Variants in DIAPH3 observed in about 807,000 individuals in gnomAD.
The protein encoded by DIAPH3 is diaphanous related formin 3.
DIAPH3 carries 117 observed loss-of-function variants against 144.3 expected under a neutral mutation model. The observed-to-expected ratio is 0.81, with a 90% CI of 0.70 to 0.95. The LOEUF (loss-of-function observed/expected upper bound fraction) is 0.95, where lower values mean the gene tolerates loss of function less well. Ranked by LOEUF, DIAPH3 falls within the 40% of genes least tolerant of loss-of-function variation. The pLI is 0.00. For synonymous variants in DIAPH3, 519 were observed against 488.9 expected (o/e 1.06, Z -0.81); for missense variants, 1,421 against 1,412.7 (o/e 1.01, Z -0.09).
At chr13:59,743,630 C>T (rs907428582) in intron 27 of DIAPH3, among the ~76,000 whole-genome samples, 1 of 152,118 alleles carries the variant, frequency 6.6e-6, no homozygotes, top group East Asian at 1.9e-4. Context: ...TATTATCTTT[C>T]TCTAATGGCC....
At chr13:59,859,752 AG>A (rs1004238432) in intron 22 of DIAPH3, among the ~76,000 whole-genome samples, 1 of 152,140 alleles carries the variant, frequency 6.6e-6, no homozygotes, top group Non-Finnish European at 1.5e-5. Context: ...CTGAGGTAAA[AG>A]TTATTTTGAA....
At chr13:59,929,382 T>C (rs138806688) in intron 17 of DIAPH3, among the ~76,000 whole-genome samples, 269 of 152,230 alleles carry the variant, frequency 1.8e-3, no homozygotes, top group African/African-American at 6.0e-3. Flanking sequence ...ACTTTGATCA[T>C]ATAATTAGTG....
At chr13:59,950,477 A>G (rs1387926042) in intron 17 of DIAPH3, among the ~76,000 whole-genome samples, 3 of 152,200 alleles carry the variant, frequency 2.0e-5, no homozygotes, top group Middle Eastern at 3.2e-3. Context: ...TAGAGTAGGC[A>G]GAAGACATAG....
chr13:60,069,884 T>C (rs988088793), intron 4 of DIAPH3, among the ~76,000 whole-genome samples: 1 of 152,350 alleles, frequency 6.6e-6, no homozygotes, highest in Middle Eastern at 3.4e-3. Flanking sequence ...TGTAGCCTTG[T>C]AGTATAGTTT....
chr13:60,136,906 C>G (rs996851561), intron 1 of DIAPH3, among the ~76,000 whole-genome samples: 4 of 151,764 alleles, frequency 2.6e-5, no homozygotes, highest in African/African-American at 7.3e-5. Flanking sequence ...TGCCACTGCA[C>G]TCCAGCCTGG....
chr13:59,891,424 CA>C (rs908061495), intron 20 of DIAPH3, among the ~76,000 whole-genome samples: 1 of 145,606 alleles, frequency 6.9e-6, no homozygotes, highest in Non-Finnish European at 1.5e-5. Context: ...GTTTCCATAC[CA>C]AAAAAACCCC....
intron 19 of DIAPH3, among the ~76,000 whole-genome samples, chr13:59,912,580 C>T (rs920557149): frequency 6.6e-6 from 1 of 151,974 alleles, no homozygotes; most frequent in African/African-American, 2.4e-5. Flanking sequence ...TTAAACAATC[C>T]CTTGGACAAA....
chr13:59,963,249 A>C (rs1444549345), intron 17 of DIAPH3, among the ~76,000 whole-genome samples: 2 of 152,190 alleles, frequency 1.3e-5, no homozygotes, highest in African/African-American at 2.4e-5. Context: ...CATATGCCCA[A>C]ATGATTTAAC....
At chr13:59,817,957 T>C (rs1242315682) in intron 24 of DIAPH3, among the ~76,000 whole-genome samples, 1 of 151,978 alleles carries the variant, frequency 6.6e-6, no homozygotes, top group East Asian at 1.9e-4. Flanking sequence ...TGTACTTTCT[T>C]TACATTTGTT....
At chr13:60,066,421 G>C (rs894749791) in intron 4 of DIAPH3, among the ~76,000 whole-genome samples, 1 of 152,050 alleles carries the variant, frequency 6.6e-6, no homozygotes, top group African/African-American at 2.4e-5. Context: ...TGGTGTTGCT[G>C]GTAAATGTTT....
chr13:60,138,626 G>C (rs1311383896), intron 1 of DIAPH3, among the ~76,000 whole-genome samples: 1 of 152,046 alleles, frequency 6.6e-6, no homozygotes, highest in Non-Finnish European at 1.5e-5. Flanking sequence ...CTTAGTCTAA[G>C]GTACAAATCA....
intron 18 of DIAPH3, among the ~76,000 whole-genome samples, chr13:59,920,123 A>T (rs2047435215): frequency 6.6e-6 from 1 of 151,990 alleles, no homozygotes; most frequent in African/African-American, 2.4e-5. Context: ...GAAAACTGTA[A>T]TAGAGGAAGA....
chr13:59,928,710 A>G (rs2047872545), intron 17 of DIAPH3, among the ~76,000 whole-genome samples: 1 of 152,130 alleles, frequency 6.6e-6, no homozygotes. Context: ...CTTTGGTATG[A>G]CTTTCATAGT....
At chr13:59,919,352 C>G (rs2047401793) in intron 18 of DIAPH3, among the ~76,000 whole-genome samples, 1 of 151,960 alleles carries the variant, frequency 6.6e-6, no homozygotes, top group Non-Finnish European at 1.5e-5. Flanking sequence ...CAATACTACA[C>G]CATGACATTA....
At chr13:59,897,122 A>G (rs1055626852) in intron 20 of DIAPH3, among the ~76,000 whole-genome samples, 1 of 152,236 alleles carries the variant, frequency 6.6e-6, no homozygotes, top group African/African-American at 2.4e-5. Flanking sequence ...AAGAGAGTAG[A>G]GGAGAGCATC....
At chr13:59,912,534 A>T (rs1443887480) in intron 19 of DIAPH3, among the ~76,000 whole-genome samples, 1 of 152,228 alleles carries the variant, frequency 6.6e-6, no homozygotes, top group African/African-American at 2.4e-5. Flanking sequence ...TTAAAGGAAT[A>T]CACAAGACTA....
At chr13:59,706,681 CTA>C (rs1360846922) in intron 27 of DIAPH3, among the ~76,000 whole-genome samples, 3 of 152,116 alleles carry the variant, frequency 2.0e-5, no homozygotes, top group Non-Finnish European at 4.4e-5. Flanking sequence ...CTTTAAGAGA[CTA>C]TTTCTTTTAT....
At chr13:59,915,495 T>C (rs1192272596) in intron 19 of DIAPH3, among the ~76,000 whole-genome samples, 2 of 152,138 alleles carry the variant, frequency 1.3e-5, no homozygotes, top group African/African-American at 4.8e-5. Context: ...CAAAAGATGG[T>C]AAGCTGAAGA....
At chr13:59,721,332 G>A (rs376989964) in intron 27 of DIAPH3, among the ~76,000 whole-genome samples, 3 of 152,050 alleles carry the variant, frequency 2.0e-5, no homozygotes, top group African/African-American at 4.8e-5. Context: ...TTAATTTGTC[G>A]GTTTCATTTT....
Sources: gnomAD v4.1 joint callset for allele counts (sites outside exome capture counted in the v4.1 genomes callset) on GRCh38, gnomAD v4.1.1 for gene constraint, MANE v1.5 for transcripts, NCBI Gene and HGNC (gene_info 2026-07-23, HGNC 2026-07-21) for gene names.